BUD31: variants seen among roughly 807,000 people sequenced by gnomAD.
The protein encoded by BUD31 is BUD31 spliceosome associated protein.
A neutral mutation model predicts 17.9 loss-of-function variants in BUD31; 9 were observed. The ratio of observed to expected loss-of-function variants is 0.50; its 90% CI spans 0.30 to 0.88. The LOEUF is 0.88. Ranked by LOEUF, BUD31 falls within the 40% of genes least tolerant of loss-of-function variation. The pLI, the probability that BUD31 is intolerant of heterozygous loss-of-function variation, is 0.06. For missense variants in BUD31, 148 were observed against 184.5 expected (o/e 0.80, Z 1.15); for synonymous variants, 70 against 64.7 (o/e 1.08, Z -0.39).
intron 2 of BUD31, among the ~76,000 whole-genome samples, chr7:99,410,565 C>T (rs1234845805): frequency 6.6e-6 from 1 of 151,920 alleles, no homozygotes; most frequent in Non-Finnish European, 1.5e-5. Flanking sequence ...TTTAAATACT[C>T]ACCCCCATGG....
Position 99,409,132 on chromosome 7 carries a change from T to G in BUD31, c.-279T>G, listed in dbSNP as rs1795058718. ...GCCAGCCACTGGGATGTGTTCGGGC[T>G]TTGGACCTTGAGGCCGGAGAGAGCT... On this transcript the variant is annotated 5_prime_UTR_variant, in exon 1 of 6. Transcript: ENST00000222969. 6.6e-6 allele frequency: 1 copy of G among 152,318 alleles called. No homozygotes were observed. Among genetic ancestry groups the G allele is most frequent in the Non-Finnish European group, 1.5e-5 (1 of 68,152 alleles). 9.4% of individuals were successfully genotyped at this position (152,318 alleles called of 1,614,324 possible).
At chr7:99,409,632 A>C (rs1299243526) in intron 1 of BUD31, among the ~76,000 whole-genome samples, 1 of 152,020 alleles carries the variant, frequency 6.6e-6, no homozygotes, top group African/African-American at 2.4e-5. Flanking sequence ...TGCGAAGACC[A>C]CTGATTTGGG....
At chr7:99,415,620 G>A (rs1305313788) in intron 3 of BUD31, among the ~76,000 whole-genome samples, 2 of 151,718 alleles carry the variant, frequency 1.3e-5, no homozygotes, top group African/African-American at 2.4e-5. Flanking sequence ...GCTAAGTAGC[G>A]GGTGTTTTTC....
intron 2 of BUD31, among the ~76,000 whole-genome samples, 164 bp from the exon 3 acceptor site, chr7:99,410,900 G>A (rs539103652): frequency 1.3e-5 from 2 of 152,312 alleles, no homozygotes; most frequent in African/African-American, 4.8e-5. Context: ...AGATCACAGC[G>A]GGTAAGTAGC....
At position 99,411,212 on chromosome 7, in the gene BUD31, T is replaced by C. The variant is rs745856787; in HGVS notation, c.94+26T>C. The C allele has an allele frequency of 3.8e-6, 6 of 1,595,850 alleles. No homozygotes were observed. The South Asian group carries it at 5.5e-5, about 15-fold the overall frequency. ...GTGAGTAGGGGAGTTCCTGTCTGGG[T>C]GGGCTGGGTCCAAGGGTCACAGGCT... On this transcript the variant is annotated intron_variant, in intron 3 of 5. Coordinates refer to ENST00000222969, the MANE Select transcript of BUD31 (RefSeq NM_003910.4).
chr7:99,415,147 C>A (rs570513609), intron 3 of BUD31: 5 of 446,604 alleles, frequency 1.1e-5, no homozygotes, highest in African/African-American at 8.1e-5. Flanking sequence ...GACAGCTGAG[C>A]CTGGGAATCC....
intron 4 of BUD31, 24 bp from the exon 5 acceptor site, chr7:99,417,405 G>A (rs940679358): frequency 6.2e-7 from 1 of 1,611,198 alleles, no homozygotes; most frequent in Non-Finnish European, 8.5e-7. Flanking sequence ...ATGGCCTGAT[G>A]CTCTTTCCCC....
intron 4 of BUD31, 50 bp from the exon 5 acceptor site, chr7:99,417,379 G>A (rs1028420877): frequency 5.0e-6 from 8 of 1,588,992 alleles, no homozygotes; most frequent in Middle Eastern, 1.7e-4. Context: ...TCAAGGGTGG[G>A]GAAGGTTTTT....
chr7:99,413,225 T>C (rs1240902866), intron 3 of BUD31, among the ~76,000 whole-genome samples: 1 of 152,084 alleles, frequency 6.6e-6, no homozygotes, highest in African/African-American at 2.4e-5. Context: ...GGAGGGATAG[T>C]CTTCTTGACC....
chr7:99,416,104 T>C (rs749594153), intron 3 of BUD31, 34 bp from the exon 4 acceptor site: 7 of 1,610,132 alleles, frequency 4.3e-6, no homozygotes, highest in Non-Finnish European at 5.1e-6. Flanking sequence ...AGACCGACCC[T>C]ATTCCCCCAA....
intron 3 of BUD31, among the ~76,000 whole-genome samples, chr7:99,414,377 G>A (rs1224790831): frequency 1.3e-5 from 2 of 151,894 alleles, no homozygotes; most frequent in African/African-American, 4.8e-5. Context: ...TGACCTCGTG[G>A]TCCGCCCACC....
intron 5 of BUD31, chr7:99,417,836 C>A (rs1584443989): frequency 1.4e-6 from 2 of 1,458,932 alleles, no homozygotes; most frequent in East Asian, 2.6e-5. Flanking sequence ...TTACTGAACC[C>A]CTTTCCTCAC....
chr7:99,413,723 CTG>C (rs1311607237), intron 3 of BUD31, among the ~76,000 whole-genome samples: 3 of 152,138 alleles, frequency 2.0e-5, no homozygotes, highest in African/African-American at 7.2e-5. Flanking sequence ...TCCCGAGTAA[CTG>C]GGATTACAGG....
intron 4 of BUD31, chr7:99,417,139 C>T: frequency 2.9e-6 from 1 of 347,506 alleles, no homozygotes; most frequent in South Asian, 2.4e-5. Flanking sequence ...TCACTACAAC[C>T]TCCGCCTCCT....
Position 99,416,339 on chromosome 7 carries a change from G to C in BUD31, c.217+79G>C, listed in dbSNP as rs1292003102. 6 of 1,520,662 alleles carry C rather than the reference G, an allele frequency of 3.9e-6. No homozygotes were observed. In the African/African-American group the frequency reaches 6.9e-5, roughly 17 times the overall value. 94.2% of individuals were successfully genotyped at this position (1,520,662 alleles called of 1,614,324 possible). A position where few individuals can be genotyped will look rare whatever the true frequency, so the allele number is the denominator to read the frequency against. ...TGAACTAACCACAATCCTTATTCTC[G>C]CAACCTGTGCAAGTCATGGTTTTTC... On this transcript the variant is annotated intron_variant, in intron 4 of 5. Coordinates refer to ENST00000222969, the MANE Select transcript of BUD31 (RefSeq NM_003910.4).
chr7:99,410,624 CTT>C (rs951341415), intron 2 of BUD31, among the ~76,000 whole-genome samples: 5 of 152,124 alleles, frequency 3.3e-5, no homozygotes, highest in South Asian at 2.1e-4. Flanking sequence ...TGCTTTTTCT[CTT>C]GTCTGTCTCT....
At position 99,416,214 on chromosome 7, in the gene BUD31, C is replaced by G. The variant is rs1484143168; in HGVS notation, c.171C>G (p.Thr57=). 2.5e-6 allele frequency: 4 copies of G among 1,614,030 alleles called. No individual in the cohort carries two copies. The highest frequency in any genetic ancestry group is 3.4e-6 in the Non-Finnish European group (4 of 1,179,940). Residue 57 remains threonine (T), a synonymous_variant, in exon 4 of 6, where the codon ACC becomes ACG. Transcript: ENST00000222969. Reference sequence around the variant, plus strand: ...TCTTCAGGATCCACCACCAGAAAACCCGCTACATCTTCGACCTCTTTTACA... The same window carrying G: ...TCTTCAGGATCCACCACCAGAAAACGCGCTACATCTTCGACCTCTTTTACA... ...WPIFRIHHQK[T]RYIFDLFYKR... is the part of the protein sequence containing the mutation.
chr7:99,413,801 A>G (rs553373451), intron 3 of BUD31, among the ~76,000 whole-genome samples: 10 of 152,214 alleles, frequency 6.6e-5, no homozygotes, highest in Non-Finnish European at 1.3e-4. Flanking sequence ...CCTGTTGGCC[A>G]GGGTGTTCTC....
At chr7:99,415,058 C>A in intron 3 of BUD31, 1 of 347,546 alleles carries the variant, frequency 2.9e-6, no homozygotes, top group Admixed American at 4.0e-5. Flanking sequence ...AGGGTCCAGC[C>A]CCACAGGGTC....
Sources: gnomAD v4.1 joint callset for allele counts (sites outside exome capture counted in the v4.1 genomes callset) on GRCh38, gnomAD v4.1.1 for gene constraint, MANE v1.5 for transcripts, NCBI Gene and HGNC (gene_info 2026-07-23, HGNC 2026-07-21) for gene names.